MTMR9: variants seen among roughly 807,000 people sequenced by gnomAD.
The protein encoded by MTMR9 is myotubularin-related protein 9.
MTMR9 carries 39 observed loss-of-function variants against 69.5 expected under a neutral mutation model. The observed-to-expected ratio is 0.56, with a 90% CI of 0.43 to 0.73. MTMR9 has a LOEUF of 0.73. Among genes scored for constraint, MTMR9 ranks in the 30% least tolerant of loss-of-function variants. MTMR9 has a pLI of 0.00. For missense variants in MTMR9, 900 were observed against 671.2 expected, an observed-to-expected ratio of 1.34 and a Z score of -3.77; for synonymous variants, 354 against 240.8, an observed-to-expected ratio of 1.47 and a Z score of -4.35.
chr8:11,338,332 G>A, the MTMR9 span, among the ~76,000 whole-genome samples: 18 of 152,312 alleles, frequency 1.2e-4, no homozygotes, highest in Admixed American at 9.8e-4. Flanking sequence ...CATCATAATA[G>A]CAATAAGAAA....
intron 1 of MTMR9, among the ~76,000 whole-genome samples, chr8:11,289,826 C>G (rs1293298581): frequency 1.3e-5 from 2 of 152,246 alleles, no homozygotes; most frequent in Admixed American, 6.5e-5. Context: ...AACCATTTCA[C>G]TGCTTCTGAC....
At chr8:11,285,796 C>A (rs1053679370) in intron 1 of MTMR9, among the ~76,000 whole-genome samples, 1 of 152,262 alleles carries the variant, frequency 6.6e-6, no homozygotes, top group African/African-American at 2.4e-5. Context: ...AGTGGCTACT[C>A]GCTAGCCAGG....
intron 1 of MTMR9, among the ~76,000 whole-genome samples, chr8:11,285,580 T>C (rs1033213994): frequency 1.3e-5 from 2 of 152,214 alleles, no homozygotes; most frequent in Non-Finnish European, 2.9e-5. Flanking sequence ...GTCATCAAAA[T>C]TTAATTCTCA....
chr8:11,303,173 G>C lies in MTMR9; in HGVS notation c.418-1668G>C, dbSNP rs977382107. Among the ~76,000 whole-genome samples the C allele has an allele frequency of 6.1e-5, 9 of 147,018 alleles. No homozygotes were observed. In the East Asian group the frequency reaches 1.8e-3, roughly 29 times the overall value. Reference sequence around the variant, plus strand: ...TCTTTGAAGAACAAAAAGGTGAGAGGAGGACACTTGGCCTACTAGATACCA... The same window carrying C: ...TCTTTGAAGAACAAAAAGGTGAGAGCAGGACACTTGGCCTACTAGATACCA... On this transcript the variant is annotated intron_variant, in intron 3 of 9. Transcript: ENST00000221086.
Position 11,309,568 on chromosome 8 carries a change from C to T in MTMR9, c.851C>T (p.Ala284Val), listed in dbSNP as rs1350385978. Residue 284 changes from alanine (A) to valine (V), a missense_variant, in exon 6 of 10, where the codon GCT (alanine) becomes GTT (valine). Ala to Val is a moderately conservative substitution (Grantham distance 64). Coordinates refer to ENST00000221086, the MANE Select transcript of MTMR9 (RefSeq NM_015458.4). Reference protein sequence around the residue: ...LQESLIKLVEACNDQTHNMDR... With the variant: ...LQESLIKLVEVCNDQTHNMDR... ...GAGAGCTTAATCAAACTTGTGGAAG[C>T]TTGTAATGACCAAACACATAACATG... 11 of 1,613,720 alleles carry T rather than the reference C, an allele frequency of 6.8e-6. No homozygotes were observed. In the Admixed American group the frequency reaches 1.8e-4, roughly 27 times the overall value.
At chr8:11,329,146 A>C (rs931439095), downstream of MTMR9, among the ~76,000 whole-genome samples, 9 of 152,168 alleles carry the variant, frequency 5.9e-5, no homozygotes, top group African/African-American at 1.9e-4. Context: ...GTCTGTGTTA[A>C]TCACTGGAAG....
downstream of MTMR9, among the ~76,000 whole-genome samples, chr8:11,329,887 G>T (rs1381434782): frequency 1.3e-5 from 2 of 151,808 alleles, no homozygotes; most frequent in Non-Finnish European, 2.9e-5. Flanking sequence ...CTGCCCAGCT[G>T]CCCATCATCT....
At chr8:11,289,085 T>G (rs1799289093) in intron 1 of MTMR9, among the ~76,000 whole-genome samples, 1 of 152,142 alleles carries the variant, frequency 6.6e-6, no homozygotes, top group Non-Finnish European at 1.5e-5. Flanking sequence ...GGCAGGAGAA[T>G]CACTTCACCC....
At chr8:11,335,571 A>G in the MTMR9 span, among the ~76,000 whole-genome samples, 1 of 152,224 alleles carries the variant, frequency 6.6e-6, no homozygotes, top group East Asian at 1.9e-4. Flanking sequence ...GAAGTTTATG[A>G]AAAGCAAAAC....
intron 6 of MTMR9, among the ~76,000 whole-genome samples, chr8:11,310,700 G>A (rs918340681): frequency 1.3e-5 from 2 of 152,134 alleles, no homozygotes; most frequent in Admixed American, 6.6e-5. Flanking sequence ...TGTTAATACT[G>A]AGGGTTTTTT....
chr8:11,285,131 G>A, intron 1 of MTMR9, 61 bp downstream of exon 1: 2 of 1,447,124 alleles, frequency 1.4e-6, no homozygotes, highest in South Asian at 1.4e-5. Flanking sequence ...GGCGCCCCGG[G>A]AAATACTTCC....
chr8:11,290,649 C>G (rs1299266161), intron 1 of MTMR9, among the ~76,000 whole-genome samples: 1 of 152,072 alleles, frequency 6.6e-6, no homozygotes, highest in Non-Finnish European at 1.5e-5. Flanking sequence ...CTATTTTTCT[C>G]CATAGAGCAA....
Position 11,306,290 on chromosome 8 carries a change from G to C in MTMR9, c.692G>C (p.Gly231Ala). The C allele has an allele frequency of 6.2e-7, 1 of 1,614,052 alleles. No homozygotes were observed. The highest frequency in any genetic ancestry group is 1.7e-5 in the Admixed American group (1 of 60,000). The change falls in exon 5 of 10, where the codon GGC (glycine) becomes GCC (alanine). Residue 231 changes from glycine to alanine, a missense_variant. Coordinates refer to ENST00000221086, the MANE Select transcript of MTMR9 (RefSeq NM_015458.4). Reference sequence around the variant, plus strand: ...GCTACCCTCAGGGCTGGAAAGCGTGGCTACATCATTGACACCCGATCCCTG... The same window carrying C: ...GCTACCCTCAGGGCTGGAAAGCGTGCCTACATCATTGACACCCGATCCCTG... ...INATLRAGKR[G>A]YIIDTRSLNV...
At chr8:11,338,583 C>T in the MTMR9 span, among the ~76,000 whole-genome samples, 4 of 152,264 alleles carry the variant, frequency 2.6e-5, no homozygotes, top group South Asian at 2.1e-4. Context: ...TTTTCCACAG[C>T]GATCTGTGGT....
chr8:11,332,561 A>C (rs769730164), downstream of MTMR9, among the ~76,000 whole-genome samples: 1 of 151,938 alleles, frequency 6.6e-6, no homozygotes, highest in Non-Finnish European at 1.5e-5. Context: ...GAGATGAGAA[A>C]TTCACTAGAA....
chr8:11,316,684 A>C lies in MTMR9; in HGVS notation c.1125A>C (p.Pro375=), dbSNP rs1800429731. Residue 375 remains proline, a synonymous_variant, in exon 8 of 10, where the codon CCA becomes CCC. Transcript: ENST00000221086. ...IEREWLQAGH[P]FQQRCAQSAY... ...CATCTTCCCCCTAGGCTGGTCACCC[A>C]TTCCAGCAGCGCTGTGCACAGTCAG... 6.2e-7 allele frequency: 1 copy of C among 1,603,016 alleles called. No individual in the cohort carries two copies. The highest frequency in any genetic ancestry group is 1.1e-5 in the South Asian group (1 of 89,178).
chr8:11,302,431 ATGT>A (rs778656837), intron 3 of MTMR9, among the ~76,000 whole-genome samples: 4 of 152,200 alleles, frequency 2.6e-5, no homozygotes, highest in Non-Finnish European at 4.4e-5. Context: ...ATCTTTAGAC[ATGT>A]TGTTGTTCAG....
At chr8:11,301,684 C>G (rs750866622) in intron 3 of MTMR9, among the ~76,000 whole-genome samples, 1 of 152,090 alleles carries the variant, frequency 6.6e-6, no homozygotes, top group Non-Finnish European at 1.5e-5. Flanking sequence ...ATACAACTGT[C>G]AAGACTCATG....
the MTMR9 span, among the ~76,000 whole-genome samples, chr8:11,338,720 AAT>A: frequency 6.6e-6 from 1 of 152,122 alleles, no homozygotes; most frequent in Non-Finnish European, 1.5e-5. Context: ...CACGATGAAA[AAT>A]TACATTTTTT....
Sources: gnomAD v4.1 joint callset for allele counts (sites outside exome capture counted in the v4.1 genomes callset) on GRCh38, gnomAD v4.1.1 for gene constraint, MANE v1.5 for transcripts, NCBI Gene and HGNC (gene_info 2026-07-23, HGNC 2026-07-21) for gene names.